Variants in DNAJC15 observed in about 807,000 individuals in gnomAD.
DNAJC15 encodes the protein dnaJ homolog subfamily C member 15.
Under a neutral mutation model 22.4 loss-of-function variants are expected in DNAJC15, and 27 were observed. The observed-to-expected ratio is 1.20, with a 90% CI of 0.89 to 1.66. The LOEUF is 1.66. Among genes scored for constraint, DNAJC15 ranks in the 40% most tolerant of loss-of-function variants. DNAJC15 has a pLI of 0.00. For synonymous variants in DNAJC15, 79 were observed against 63.2 expected (o/e 1.25, Z -1.19); for missense variants, 208 against 187.1 (o/e 1.11, Z -0.65).
Position 43,113,907 on chromosome 13 carries a change from C to A in DNAJC15, c.*6659C>A, listed in dbSNP as rs568624287. On this transcript the variant is annotated 3_prime_UTR_variant, in exon 6 of 6. Coordinates refer to ENST00000379221, the MANE Select transcript of DNAJC15 (RefSeq NM_013238.3). ...CAGAAATGCAGCCTTTCCTGGTTAACCCTGCTTGGATCTGAGTTACACTTT... is the reference window on the plus strand; with the variant it reads ...CAGAAATGCAGCCTTTCCTGGTTAAACCTGCTTGGATCTGAGTTACACTTT... 6.6e-6 allele frequency: 1 copy of A among 152,330 alleles called. No individual in the cohort carries two copies. The highest frequency in any genetic ancestry group is 6.5e-5 in the Admixed American group (1 of 15,298). 9.4% of individuals were successfully genotyped at this position (152,330 alleles called of 1,614,324 possible). A position where few individuals can be genotyped will look rare whatever the true frequency, so the allele number is the denominator to read the frequency against.
In DNAJC15 at chr13:43,065,196, T is replaced by C. The variant is rs546921680; in HGVS notation, c.109-490T>C. On this transcript the variant is annotated intron_variant, in intron 1 of 5. Coordinates refer to ENST00000379221, the MANE Select transcript of DNAJC15 (RefSeq NM_013238.3). Reference sequence around the variant, plus strand: ...AAAATTTTTACACTGGTCTAGAAGGTAGACCTTAACTTTTGAATTTTTTAT... The same window carrying C: ...AAAATTTTTACACTGGTCTAGAAGGCAGACCTTAACTTTTGAATTTTTTAT... Among the ~76,000 whole-genome samples the C allele has an allele frequency of 2.0e-5, 3 of 152,328 alleles. No homozygotes were observed. In the South Asian group the frequency reaches 6.2e-4, roughly 32 times the overall value.
chr13:43,042,047 A>G (rs745528100), intron 1 of DNAJC15, among the ~76,000 whole-genome samples: 23 of 152,302 alleles, frequency 1.5e-4, no homozygotes, highest in Non-Finnish European at 2.5e-4. Flanking sequence ...CTGCCTATCT[A>G]TAGTGTAGTA....
intron 4 of DNAJC15, 134 bp downstream of exon 4, chr13:43,078,822 T>G (rs1206480622): frequency 1.5e-6 from 1 of 662,158 alleles, no homozygotes; most frequent in Non-Finnish European, 2.3e-6. Context: ...CAAATTTTTA[T>G]ATTTTAAAGC....
intron 5 of DNAJC15, among the ~76,000 whole-genome samples, chr13:43,105,296 G>T (rs573867805): frequency 7.2e-5 from 11 of 152,230 alleles, no homozygotes; most frequent in African/African-American, 2.4e-4. Context: ...AAGAGGTGCA[G>T]CAAGAAAGCC....
intron 1 of DNAJC15, among the ~76,000 whole-genome samples, chr13:43,043,194 G>A (rs2040461550): frequency 1.3e-5 from 2 of 152,268 alleles, no homozygotes; most frequent in South Asian, 2.1e-4. Flanking sequence ...GCAAACCTCC[G>A]TCTCCCGGGT....
At chr13:43,086,465 G>T (rs1315944198) in intron 5 of DNAJC15, among the ~76,000 whole-genome samples, 1 of 152,046 alleles carries the variant, frequency 6.6e-6, no homozygotes. Context: ...AAGTCAAAGG[G>T]GGGTGGGGGA....
intron 4 of DNAJC15, among the ~76,000 whole-genome samples, chr13:43,079,261 T>A (rs1023328561): frequency 6.6e-6 from 1 of 152,194 alleles, no homozygotes; most frequent in South Asian, 2.1e-4. Flanking sequence ...GAGCCTACTC[T>A]CAAGTTTTTG....
chr13:43,091,068 A>C (rs1246142229), intron 5 of DNAJC15, among the ~76,000 whole-genome samples: 1 of 151,594 alleles, frequency 6.6e-6, no homozygotes, highest in Non-Finnish European at 1.5e-5. Context: ...GATTCAATTT[A>C]TTTTATTTTT....
intron 1 of DNAJC15, among the ~76,000 whole-genome samples, chr13:43,034,597 G>A (rs1398542432): frequency 6.9e-6 from 1 of 144,544 alleles, no homozygotes; most frequent in Admixed American, 7.0e-5. Flanking sequence ...TTACAGGCGT[G>A]AGCCACCGCA....
chr13:43,032,642 G>A (rs1187884503), intron 1 of DNAJC15, among the ~76,000 whole-genome samples: 1 of 152,098 alleles, frequency 6.6e-6, no homozygotes, highest in Non-Finnish European at 1.5e-5. Flanking sequence ...TGGTCAATAT[G>A]GCGAAACCCC....
chr13:43,098,229 A>G lies in DNAJC15; in HGVS notation c.383-8949A>G, dbSNP rs183948423. The stretch of plus-strand genomic sequence containing the variant: ...TGAAAATTTGACCCCTATAAGGAAG[A>G]CTTTTCTTCTAGCTGGAACGTAAGA... On this transcript the variant is annotated intron_variant, in intron 5 of 5. Transcript: ENST00000379221. Among the ~76,000 whole-genome samples the G allele has an allele frequency of 1.4e-4, 22 of 152,288 alleles. No individual in the cohort carries two copies. In the East Asian group the frequency reaches 3.1e-3, roughly 21 times the overall value.
Position 43,032,088 on chromosome 13 carries a change from C to T in DNAJC15, c.108+8354C>T, listed in dbSNP as rs188463072. Among the ~76,000 whole-genome samples, 71 of 152,308 alleles carry T rather than the reference C, an allele frequency of 4.7e-4. 1 individual carries two copies. The highest frequency in any genetic ancestry group is 1.7e-3 in the African/African-American group (69 of 41,554). ...TTAATTGGAACCACGGATGTCTGTTCAGGGGGAGCTGGAGCCACTGCTGCT... is the reference window on the plus strand; with the variant it reads ...TTAATTGGAACCACGGATGTCTGTTTAGGGGGAGCTGGAGCCACTGCTGCT... On this transcript the variant is annotated intron_variant, in intron 1 of 5. Coordinates refer to ENST00000379221, the MANE Select transcript of DNAJC15 (RefSeq NM_013238.3).
At chr13:43,024,070 C>T (rs1004114751) in intron 1 of DNAJC15, among the ~76,000 whole-genome samples, 3 of 152,074 alleles carry the variant, frequency 2.0e-5, no homozygotes, top group Non-Finnish European at 2.9e-5. Context: ...TTGCAGGGGA[C>T]GTGGTGGGAT....
chr13:43,078,475 G>T (rs2040645978), intron 3 of DNAJC15, 137 bp from the exon 4 acceptor site: 1 of 541,360 alleles, frequency 1.8e-6, no homozygotes, highest in Non-Finnish European at 3.2e-6. Context: ...TCATTGTTTG[G>T]TGCTTCCCCC....
intron 1 of DNAJC15, among the ~76,000 whole-genome samples, chr13:43,047,518 C>T (rs2040483888): frequency 6.6e-6 from 1 of 152,070 alleles, no homozygotes; most frequent in Admixed American, 6.5e-5. Flanking sequence ...CATGGAATGT[C>T]TGTGACGTTC....
chr13:43,047,147 A>G (rs980193695), intron 1 of DNAJC15, among the ~76,000 whole-genome samples: 1 of 152,234 alleles, frequency 6.6e-6, no homozygotes, highest in Non-Finnish European at 1.5e-5. Flanking sequence ...CCCGCCCGTA[A>G]CAGTGGTAAA....
intron 3 of DNAJC15, among the ~76,000 whole-genome samples, chr13:43,071,959 C>A (rs1041749751): frequency 3.9e-5 from 6 of 152,116 alleles, no homozygotes; most frequent in Non-Finnish European, 7.3e-5. Flanking sequence ...TTTGTTCTCA[C>A]TGTTAATTAT....
intron 1 of DNAJC15, among the ~76,000 whole-genome samples, chr13:43,047,827 A>C (rs183620704): frequency 6.6e-6 from 1 of 152,318 alleles, no homozygotes; most frequent in East Asian, 1.9e-4. Flanking sequence ...ACGAGCCATG[A>C]GGAATGGGAA....
At position 43,107,312 on chromosome 13, in the gene DNAJC15, A is replaced by G. The variant is rs2040802169; in HGVS notation, c.*64A>G. The G allele has an allele frequency of 1.8e-5, 25 of 1,351,874 alleles. No homozygotes were observed. In the South Asian group the frequency reaches 1.9e-4, roughly 10 times the overall value. 83.7% of individuals were successfully genotyped at this position (1,351,874 alleles called of 1,614,324 possible). On this transcript the variant is annotated 3_prime_UTR_variant, in exon 6 of 6. Transcript: ENST00000379221. ...CTTCGAAAAAAAAAAAAGCCCTGCA[A>G]AATATTCTAAAACATGGTCTTCTTA...
Sources: gnomAD v4.1 joint callset for allele counts (sites outside exome capture counted in the v4.1 genomes callset) on GRCh38, gnomAD v4.1.1 for gene constraint, MANE v1.5 for transcripts, NCBI Gene and HGNC (gene_info 2026-07-23, HGNC 2026-07-21) for gene names.